Variants in WWOX observed in about 807,000 individuals in gnomAD.
WWOX encodes WW domain-containing oxidoreductase.
A neutral mutation model predicts 46.2 loss-of-function variants in WWOX; 69 were observed. That is an observed-to-expected ratio of 1.49 (90% confidence interval 1.23 to 1.82). The LOEUF (loss-of-function observed/expected upper bound fraction) is 1.82. Among genes scored for constraint, WWOX ranks in the 40% most tolerant of loss-of-function variants. The pLI, the probability that WWOX is intolerant of heterozygous loss-of-function variation, is 0.00. For missense variants in WWOX, 919 were observed against 542.6 expected, an observed-to-expected ratio of 1.69 and a Z score of -6.89; for synonymous variants, 359 against 202.6, an observed-to-expected ratio of 1.77 and a Z score of -6.56.
chr16:78,822,620 T>A (rs1279865391), intron 8 of WWOX, among the ~76,000 whole-genome samples: 1 of 152,162 alleles, frequency 6.6e-6, no homozygotes, highest in Admixed American at 6.5e-5. Flanking sequence ...TAGAACCCAG[T>A]GGTCACGTGT....
chr16:79,001,536 C>T (rs541865522), intron 8 of WWOX, among the ~76,000 whole-genome samples: 1 of 152,080 alleles, frequency 6.6e-6, no homozygotes, highest in African/African-American at 2.4e-5. Flanking sequence ...TACATTTTGC[C>T]CATAGAGATT....
chr16:78,825,689 T>G, intron 8 of WWOX: 1 of 544,260 alleles, frequency 1.8e-6, no homozygotes, highest in Non-Finnish European at 3.5e-6. Context: ...AAGCTGTGGT[T>G]TCTGGGAGAC....
chr16:78,147,469 G>A (rs1195272008), intron 4 of WWOX, among the ~76,000 whole-genome samples: 2 of 152,010 alleles, frequency 1.3e-5, no homozygotes, highest in Admixed American at 6.6e-5. Context: ...AGTTACTAGC[G>A]ATGGAGAATG....
chr16:78,461,425 G>T (rs1436786581), intron 8 of WWOX, among the ~76,000 whole-genome samples: 1 of 152,194 alleles, frequency 6.6e-6, no homozygotes, highest in East Asian at 1.9e-4. Flanking sequence ...TTTATAGATG[G>T]TAGAGAATTC....
At chr16:78,254,173 C>A (rs1404314932) in intron 5 of WWOX, among the ~76,000 whole-genome samples, 2 of 151,268 alleles carry the variant, frequency 1.3e-5, no homozygotes, top group African/African-American at 4.9e-5. Context: ...CAGGCTCAAG[C>A]GATCCTCCTG....
chr16:78,450,951 G>A (rs2083677349), intron 8 of WWOX, among the ~76,000 whole-genome samples: 1 of 152,174 alleles, frequency 6.6e-6, no homozygotes, highest in Admixed American at 6.5e-5. Context: ...CAAGCACTGG[G>A]AAGGAGCTGG....
intron 8 of WWOX, among the ~76,000 whole-genome samples, chr16:78,963,611 A>T (rs890508300): frequency 1.3e-5 from 2 of 152,212 alleles, no homozygotes; most frequent in African/African-American, 2.4e-5. Flanking sequence ...TGTTAGTGGT[A>T]TGCTTTTTAA....
intron 5 of WWOX, among the ~76,000 whole-genome samples, chr16:78,181,914 C>G (rs1044974766): frequency 6.6e-6 from 1 of 152,050 alleles, no homozygotes; most frequent in Non-Finnish European, 1.5e-5. Context: ...ATAGCCCACC[C>G]CATCAACATG....
At chr16:78,971,935 G>A (rs959446453) in intron 8 of WWOX, among the ~76,000 whole-genome samples, 42 of 152,130 alleles carry the variant, frequency 2.8e-4, no homozygotes, top group African/African-American at 1.0e-3. Flanking sequence ...AGGATCCATC[G>A]GGAGCCTCAG....
chr16:78,619,073 A>G (rs954729827), intron 8 of WWOX, among the ~76,000 whole-genome samples: 6 of 137,434 alleles, frequency 4.4e-5, no homozygotes, highest in Non-Finnish European at 1.6e-5. Context: ...AGGTGGGAGG[A>G]TCACTGGAGG....
chr16:79,110,585 A>G (rs2049398069), intron 8 of WWOX: 1 of 152,144 alleles, frequency 6.6e-6, no homozygotes, highest in Non-Finnish European at 1.5e-5. Context: ...AGAAGCAGTC[A>G]TTTCCCTCCA....
At chr16:78,895,049 G>T (rs1318263011) in intron 8 of WWOX, among the ~76,000 whole-genome samples, 1 of 152,168 alleles carries the variant, frequency 6.6e-6, no homozygotes, top group Admixed American at 6.5e-5. Flanking sequence ...TCTTATCTTG[G>T]TAGTACGATT....
chr16:78,884,558 A>T (rs1457386928), intron 8 of WWOX, among the ~76,000 whole-genome samples: 1 of 152,196 alleles, frequency 6.6e-6, no homozygotes, highest in East Asian at 1.9e-4. Flanking sequence ...GATTTATCTT[A>T]CAGAGATGAT....
rs187625105 is a variant in WWOX at position 78,366,723 on chromosome 16, A to C, written c.517-20137A>C. ...ACTTGAAAAATCTAAAATGCTTACT[A>C]TCTGGCCCTTTAGAGAAAAGGTTTT... On this transcript the variant is annotated intron_variant, in intron 5 of 8. Transcript: ENST00000566780. 2.0e-5 allele frequency among the ~76,000 whole-genome samples: 3 copies of C among 152,284 alleles called. No individual in the cohort carries two copies. In the East Asian group the frequency reaches 5.8e-4, roughly 29 times the overall value.
chr16:78,329,958 G>T (rs2080717615), intron 5 of WWOX, among the ~76,000 whole-genome samples: 1 of 151,980 alleles, frequency 6.6e-6, no homozygotes, highest in Admixed American at 6.5e-5. Context: ...GTTGCCCACA[G>T]TAACATAGTA....
intron 5 of WWOX, among the ~76,000 whole-genome samples, chr16:78,315,627 G>C (rs147730855): frequency 1.1e-4 from 17 of 152,258 alleles, no homozygotes; most frequent in Admixed American, 9.8e-4. Flanking sequence ...TCCAGCCTGG[G>C]TGACAGAGCA....
chr16:78,985,496 G>A (rs554908053), intron 8 of WWOX, among the ~76,000 whole-genome samples: 14 of 152,190 alleles, frequency 9.2e-5, no homozygotes, highest in African/African-American at 2.9e-4. Flanking sequence ...GGGGCCAGGC[G>A]CGGTGGCTCA....
At chr16:78,636,639 C>T (rs1353629939) in intron 8 of WWOX, among the ~76,000 whole-genome samples, 1 of 152,092 alleles carries the variant, frequency 6.6e-6, no homozygotes, top group Admixed American at 6.5e-5. Context: ...GGATTTTTAG[C>T]CTCAAGTTTC....
chr16:78,157,416 G>T, intron 4 of WWOX, among the ~76,000 whole-genome samples: 1 of 152,142 alleles, frequency 6.6e-6, no homozygotes, highest in East Asian at 1.9e-4. Context: ...GGTGACATTG[G>T]TATCACAGGT....
Sources: allele counts gnomAD v4.1 joint callset (sites outside exome capture counted in the v4.1 genomes callset), GRCh38; gene constraint gnomAD v4.1.1; transcripts MANE v1.5; gene names NCBI Gene and HGNC (gene_info 2026-07-23, HGNC 2026-07-21).